DDX46: variants seen among roughly 807,000 people sequenced by gnomAD.
DDX46 encodes the protein probable ATP-dependent RNA helicase DDX46.
Under a neutral mutation model 134.9 loss-of-function variants are expected in DDX46, and 30 were observed. The ratio of observed to expected loss-of-function variants is 0.22; its 90% confidence interval spans 0.17 to 0.30. DDX46 has a LOEUF of 0.30. Among genes scored for constraint, DDX46 ranks in the 10% least tolerant of loss-of-function variants. DDX46 has a pLI of 1.00. For synonymous variants in DDX46, 415 were observed against 404.1 expected (o/e 1.03, Z -0.32); for missense variants, 622 against 1,248.7 (o/e 0.50, Z 7.56).
chr5:134,778,497 A>G (rs1297697329), intron 6 of DDX46, among the ~76,000 whole-genome samples: 1 of 152,160 alleles, frequency 6.6e-6, no homozygotes, highest in Non-Finnish European at 1.5e-5. Flanking sequence ...TGATTTATTC[A>G]GGCTCCCGCT....
chr5:134,815,433 C>T (rs1415289913), intron 18 of DDX46, among the ~76,000 whole-genome samples: 2 of 151,478 alleles, frequency 1.3e-5, no homozygotes, highest in African/African-American at 4.9e-5. Context: ...AGCAGGCTGG[C>T]GGTGGTGGCT....
intron 15 of DDX46, chr5:134,797,184 A>AC (rs1561865672): frequency 6.9e-6 from 2 of 290,256 alleles, no homozygotes; most frequent in Admixed American, 4.5e-5. Flanking sequence ...AAAAAAAAAA[A>AC]AAAAAAAAAA....
At chr5:134,786,491 C>T (rs1268104445) in intron 11 of DDX46, among the ~76,000 whole-genome samples, 2 of 151,966 alleles carry the variant, frequency 1.3e-5, no homozygotes, top group Admixed American at 6.6e-5. Flanking sequence ...AGAGTTTGTC[C>T]TGGAACCTAG....
chr5:134,779,055 C>T (rs1321575363), intron 6 of DDX46, among the ~76,000 whole-genome samples: 1 of 151,746 alleles, frequency 6.6e-6, no homozygotes, highest in East Asian at 1.9e-4. Context: ...TGCCACCACG[C>T]CCAGCTAATT....
At chr5:134,782,918 A>G (rs1754199766) in intron 8 of DDX46, 27 bp from the exon 9 acceptor site, 2 of 1,605,238 alleles carry the variant, frequency 1.2e-6, no homozygotes, top group African/African-American at 2.7e-5. Flanking sequence ...ATATTTAAGA[A>G]CTTTTAATCT....
At position 134,819,112 on chromosome 5, in the gene DDX46, G is replaced by A. The variant is rs1007818578; in HGVS notation, c.2977+108G>A. On this transcript the variant is annotated intron_variant, in intron 21 of 22. Coordinates refer to ENST00000452510, the MANE Select transcript of DDX46 (RefSeq NM_001300860.2). ...CAATTCTAGAGAGAACTGAAAGTAAGAAACACCTCTGAAAACAAAATCTTA... is the reference window on the plus strand; with the variant it reads ...CAATTCTAGAGAGAACTGAAAGTAAAAAACACCTCTGAAAACAAAATCTTA... 3 of 1,218,148 alleles carry A rather than the reference G, an allele frequency of 2.5e-6. 1 individual carries two copies. 75.5% of individuals were successfully genotyped at this position (1,218,148 alleles called of 1,614,324 possible).
At chr5:134,759,075 C>A in intron 1 of DDX46, 120 bp downstream of exon 1, 1 of 1,462,372 alleles carries the variant, frequency 6.8e-7, no homozygotes, top group Non-Finnish European at 9.2e-7. Context: ...GTCAGCGCTG[C>A]CCCGCGAGCA....
In DDX46 at chr5:134,763,900, C is replaced by A; in HGVS notation, c.18-4C>A. ...TGAACTTAATCTTTGACTTATTGTTCTAGCCACTATCGAAAACGATCGGCA... is the reference window on the plus strand; with the variant it reads ...TGAACTTAATCTTTGACTTATTGTTATAGCCACTATCGAAAACGATCGGCA... On this transcript the variant is annotated splice_polypyrimidine_tract_variant and splice_region_variant and intron_variant, in intron 1 of 22. Transcript: ENST00000452510. 1 of 1,612,946 alleles carries A rather than the reference C, an allele frequency of 6.2e-7. No individual in the cohort carries two copies. The highest frequency in any genetic ancestry group is 8.5e-7 in the Non-Finnish European group (1 of 1,179,560).
chr5:134,798,055 G>A (rs534994971), intron 15 of DDX46, among the ~76,000 whole-genome samples: 2 of 151,998 alleles, frequency 1.3e-5, no homozygotes, highest in African/African-American at 4.8e-5. Flanking sequence ...CAGGTGATCC[G>A]CCCACCTCAG....
chr5:134,786,577 G>C (rs1401010971), intron 11 of DDX46, among the ~76,000 whole-genome samples: 1 of 152,090 alleles, frequency 6.6e-6, no homozygotes, highest in East Asian at 1.9e-4. Flanking sequence ...AGGCACGGTG[G>C]CTCATGCCTG....
rs1249187129 is a variant in DDX46, at chr5:134,781,352, C to T, written c.879+106C>T. 5 of 841,796 alleles carry T rather than the reference C, an allele frequency of 5.9e-6. No individual in the cohort carries two copies. The African/African-American group carries it at 7.0e-5, about 12-fold the overall frequency. 52.1% of individuals were successfully genotyped at this position (841,796 alleles called of 1,614,324 possible). ...TCATTTGTGTGAGCTAGGAGAAATT[C>T]CCAGAATTGAGAGACATTCTTGCTA... On this transcript the variant is annotated intron_variant, in intron 7 of 22. Coordinates refer to ENST00000452510, the MANE Select transcript of DDX46 (RefSeq NM_001300860.2).
chr5:134,773,845 T>C lies in DDX46; in HGVS notation c.597T>C (p.Ser199=). 1 of 1,606,342 alleles carries C rather than the reference T, an allele frequency of 6.2e-7. No individual in the cohort carries two copies. Among genetic ancestry groups the C allele is most frequent in the South Asian group, 1.1e-5 (1 of 89,676 alleles). Residue 199 remains serine, a synonymous_variant, in exon 5 of 23, where the codon AGT becomes AGC. Coordinates refer to ENST00000452510, the MANE Select transcript of DDX46 (RefSeq NM_001300860.2). Reference sequence around the variant, plus strand: ...AGATGAAACAAGGGAAAAAGTGGAGTTTAGAGGACGATGATGGTATATTTT... The same window carrying C: ...AGATGAAACAAGGGAAAAAGTGGAGCTTAGAGGACGATGATGGTATATTTT... The part of the protein sequence containing the change: ...IEEMKQGKKW[S]LEDDDDDEDD...
chr5:134,829,966 C>A lies in DDX46; in HGVS notation c.*1260C>A, dbSNP rs933109004. ...TAAATAAATAAATAGTATTTTTGAGCCTTCAAGATACAGTTCCTGAATATT... is the reference window on the plus strand; with the variant it reads ...TAAATAAATAAATAGTATTTTTGAGACTTCAAGATACAGTTCCTGAATATT... On this transcript the variant is annotated 3_prime_UTR_variant, in exon 23 of 23. Coordinates refer to ENST00000452510, the MANE Select transcript of DDX46 (RefSeq NM_001300860.2). The A allele has an allele frequency of 6.5e-5, 7 of 108,382 alleles. No individual in the cohort carries two copies. The highest frequency in any genetic ancestry group is 3.3e-4 in the South Asian group (1 of 3,022). The allele number at this position is 108,382 out of a possible 1,614,324, so 6.7% of individuals were successfully genotyped here.
At position 134,774,624 on chromosome 5, in the gene DDX46, T is replaced by C. The variant is rs149805018; in HGVS notation, c.613+763T>C. Among the ~76,000 whole-genome samples the C allele has an allele frequency of 7.2e-5, 11 of 152,328 alleles. No individual in the cohort carries two copies. The East Asian group carries it at 2.1e-3, about 29-fold the overall frequency. Reference sequence around the variant, plus strand: ...AGCCAGTAAATAGTTCTTTAATATATTATACCAATGTGAACGTTAGTAAGG... The same window carrying C: ...AGCCAGTAAATAGTTCTTTAATATACTATACCAATGTGAACGTTAGTAAGG... On this transcript the variant is annotated intron_variant, in intron 5 of 22. Coordinates refer to ENST00000452510, the MANE Select transcript of DDX46 (RefSeq NM_001300860.2).
At chr5:134,807,986 C>A in intron 16 of DDX46, 45 bp downstream of exon 16, 1 of 1,511,322 alleles carries the variant, frequency 6.6e-7, no homozygotes, top group Non-Finnish European at 9.0e-7. Context: ...TATTAAAATA[C>A]AGGTGTTTCT....
At chr5:134,807,204 T>C (rs1006240405) in intron 15 of DDX46, among the ~76,000 whole-genome samples, 1 of 147,462 alleles carries the variant, frequency 6.8e-6, no homozygotes, top group African/African-American at 2.5e-5. Context: ...GTATTTTTAG[T>C]AGAGACGGGG....
Position 134,830,369 on chromosome 5 carries a change from C to T in DDX46, c.*1663C>T, listed in dbSNP as rs1755705153. 6.6e-6 allele frequency: 1 copy of T among 152,054 alleles called. No individual in the cohort carries two copies. Among genetic ancestry groups the T allele is most frequent in the Non-Finnish European group, 1.5e-5 (1 of 68,006 alleles). The allele number at this position is 152,054 out of a possible 1,614,324, so 9.4% of individuals were successfully genotyped here. A position where few individuals can be genotyped will look rare whatever the true frequency, so the allele number is the denominator to read the frequency against. ...AGCCATTTCATATAAGAGGCTTGAA[C>T]ATCCATGGATTTTGGTATAGAGGAG... On this transcript the variant is annotated 3_prime_UTR_variant, in exon 23 of 23. Transcript: ENST00000452510.
intron 15 of DDX46, among the ~76,000 whole-genome samples, chr5:134,806,535 A>G (rs1561869466): frequency 6.6e-6 from 1 of 152,216 alleles, no homozygotes; most frequent in African/African-American, 2.4e-5. Context: ...AAACAAATTT[A>G]TATTGATATT....
intron 21 of DDX46, chr5:134,826,011 A>G (rs1755579186): frequency 6.6e-6 from 1 of 152,218 alleles, no homozygotes; most frequent in Non-Finnish European, 1.5e-5. Flanking sequence ...CCCATCAGAA[A>G]AAATATCTTG....
Sources: allele counts gnomAD v4.1 joint callset (sites outside exome capture counted in the v4.1 genomes callset), GRCh38; gene constraint gnomAD v4.1.1; transcripts MANE v1.5; gene names NCBI Gene and HGNC (gene_info 2026-07-23, HGNC 2026-07-21).